Variants in ABCA13 observed in about 807,000 individuals in gnomAD.
ABCA13 encodes ATP binding cassette subfamily A member 13.
A neutral mutation model predicts 478.7 loss-of-function variants in ABCA13; 476 were observed. The observed-to-expected ratio is 0.99, with a 90% CI of 0.92 to 1.07. ABCA13 has a LOEUF of 1.07. Among genes scored for constraint, ABCA13 ranks in the 50% least tolerant of loss-of-function variants. ABCA13 has a pLI of 0.00. For synonymous variants in ABCA13, 2,252 were observed against 2,158.9 expected, an observed-to-expected ratio of 1.04 and a Z score of -1.20; for missense variants, 6,060 against 5,910.6, an observed-to-expected ratio of 1.03 and a Z score of -0.83.
At chr7:48,628,166 C>A (rs965241410) in intron 59 of ABCA13, among the ~76,000 whole-genome samples, 1 of 152,158 alleles carries the variant, frequency 6.6e-6, no homozygotes, top group Admixed American at 6.5e-5. Context: ...CTACTGTCCC[C>A]TCTTCAGAGA....
intron 57 of ABCA13, among the ~76,000 whole-genome samples, chr7:48,590,652 C>T (rs925805797): frequency 1.3e-5 from 2 of 152,020 alleles, no homozygotes; most frequent in Non-Finnish European, 2.9e-5. Flanking sequence ...TGCTGGTTAT[C>T]TTCTGTCCTT....
intron 55 of ABCA13, among the ~76,000 whole-genome samples, chr7:48,531,105 A>T (rs912579243): frequency 1.3e-5 from 2 of 152,096 alleles, no homozygotes; most frequent in Admixed American, 6.5e-5. Context: ...TATCTTCTAG[A>T]ATCATTATGG....
chr7:48,280,717 A>G (rs1375107578), intron 18 of ABCA13, among the ~76,000 whole-genome samples: 1 of 152,116 alleles, frequency 6.6e-6, no homozygotes, highest in Non-Finnish European at 1.5e-5. Flanking sequence ...TGTTGGTTCT[A>G]TTACTCCAGA....
chr7:48,378,769 C>G (rs1206412427), intron 35 of ABCA13, among the ~76,000 whole-genome samples: 1 of 152,216 alleles, frequency 6.6e-6, no homozygotes, highest in African/African-American at 2.4e-5. Flanking sequence ...TCACAAGTCT[C>G]CCTTAAGTTC....
intron 4 of ABCA13, among the ~76,000 whole-genome samples, chr7:48,219,815 C>T (rs1438255914): frequency 6.6e-6 from 1 of 151,872 alleles, no homozygotes; most frequent in African/African-American, 2.4e-5. Context: ...CCTTTACACT[C>T]TTCGGCTGTT....
At chr7:48,327,582 A>G (rs1804534511) in intron 27 of ABCA13, among the ~76,000 whole-genome samples, 1 of 152,226 alleles carries the variant, frequency 6.6e-6, no homozygotes, top group South Asian at 2.1e-4. Context: ...TAGATTAAAA[A>G]AGTAGTAAGA....
At position 48,256,861 on chromosome 7, in the gene ABCA13, C is replaced by T. The variant is rs369913579; in HGVS notation, c.2005+7510C>T. ...TTTCAAATTCTGTAAAGAATGTCAT[C>T]GGTAGTTTGTTAAGAATAACATTGA... On this transcript the variant is annotated intron_variant, in intron 15 of 61. Transcript: ENST00000435803. Among the ~76,000 whole-genome samples the T allele has an allele frequency of 8.0e-4, 122 of 152,094 alleles. 1 individual carries two copies. The highest frequency in any genetic ancestry group is 1.4e-3 in the Non-Finnish European group (96 of 67,960).
At chr7:48,537,063 T>C (rs926166837) in intron 55 of ABCA13, among the ~76,000 whole-genome samples, 1 of 152,100 alleles carries the variant, frequency 6.6e-6, no homozygotes, top group Non-Finnish European at 1.5e-5. Context: ...GTGTTTTATT[T>C]CTATAAGTTA....
intron 30 of ABCA13, among the ~76,000 whole-genome samples, chr7:48,351,415 T>C (rs1808970852): frequency 6.6e-6 from 1 of 152,222 alleles, no homozygotes; most frequent in Non-Finnish European, 1.5e-5. Context: ...TGTCTTAGAG[T>C]GCTGGAAGCT....
At chr7:48,530,417 A>G (rs1469855820) in intron 55 of ABCA13, among the ~76,000 whole-genome samples, 1 of 152,052 alleles carries the variant, frequency 6.6e-6, no homozygotes. Flanking sequence ...GCTGGTTTCA[A>G]ATTTTTGCAA....
chr7:48,314,940 C>T (rs994381457), intron 26 of ABCA13, among the ~76,000 whole-genome samples: 2 of 152,070 alleles, frequency 1.3e-5, no homozygotes, highest in African/African-American at 2.4e-5. Context: ...ATGATAGGTA[C>T]AAATGAATGC....
In ABCA13 at chr7:48,603,728, A is replaced by T. The variant is rs529317223; in HGVS notation, c.14744+8915A>T. The T allele has an allele frequency of 2.8e-3, 508 of 178,972 alleles. 2 individuals are homozygous for T. The highest frequency in any genetic ancestry group is 5.3e-3 in the Non-Finnish European group (453 of 86,008). 11.1% of individuals were successfully genotyped at this position (178,972 alleles called of 1,614,324 possible). Reference sequence around the variant, plus strand: ...TTTTCTGCCAGGTTTTGGTATCAGGATGATGCTGGCCTCATAAAATGAGTT... The same window carrying T: ...TTTTCTGCCAGGTTTTGGTATCAGGTTGATGCTGGCCTCATAAAATGAGTT... On this transcript the variant is annotated intron_variant, in intron 58 of 61. Coordinates refer to ENST00000435803, the MANE Select transcript of ABCA13 (RefSeq NM_152701.5).
chr7:48,455,077 G>C lies in ABCA13; in HGVS notation c.12606G>C (p.Gln4202His). Residue 4202 changes from glutamine (Q) to histidine (H), a missense_variant, in exon 43 of 62, where the codon CAG (glutamine) becomes CAC (histidine). By Grantham distance (24) the Gln-to-His change is conservative. Transcript: ENST00000435803. ...LARPATVQGV[Q>H]LLRAQVAAIL... ...GGCCCGCAACTGTGCAGGGCGTCCAGCTGCTCCGCGCACAAGTGGCCGCGA... is the reference window on the plus strand; with the variant it reads ...GGCCCGCAACTGTGCAGGGCGTCCACCTGCTCCGCGCACAAGTGGCCGCGA... The C allele has an allele frequency of 6.5e-7, 1 of 1,544,484 alleles. No homozygotes were observed. Among genetic ancestry groups the C allele is most frequent in the Non-Finnish European group, 8.7e-7 (1 of 1,145,998 alleles).
intron 31 of ABCA13, among the ~76,000 whole-genome samples, chr7:48,366,795 G>A (rs1811739862): frequency 6.6e-6 from 1 of 152,082 alleles, no homozygotes; most frequent in African/African-American, 2.4e-5. Context: ...CTTAAAGGCT[G>A]CATCACCTCT....
chr7:48,262,815 T>A (rs1395362470), intron 15 of ABCA13, among the ~76,000 whole-genome samples: 1 of 151,904 alleles, frequency 6.6e-6, no homozygotes, highest in Non-Finnish European at 1.5e-5. Context: ...ATGAGTGGAA[T>A]TTGACAGCTA....
At chr7:48,190,749 G>A (rs1390962877) in intron 1 of ABCA13, among the ~76,000 whole-genome samples, 2 of 152,146 alleles carry the variant, frequency 1.3e-5, no homozygotes, top group African/African-American at 4.8e-5. Flanking sequence ...AGAACTATAA[G>A]TGCTGTTATG....
chr7:48,500,010 A>C (rs187849108), intron 48 of ABCA13, among the ~76,000 whole-genome samples: 1 of 152,340 alleles, frequency 6.6e-6, no homozygotes, highest in Admixed American at 6.5e-5. Context: ...GAAATTGATC[A>C]GACTGGTATC....
At chr7:48,571,461 T>C (rs929336408) in intron 55 of ABCA13, among the ~76,000 whole-genome samples, 7 of 152,076 alleles carry the variant, frequency 4.6e-5, no homozygotes, top group East Asian at 1.9e-4. Flanking sequence ...TTATTTCTTC[T>C]TTACTGTAGA....
chr7:48,278,285 A>G lies in ABCA13; in HGVS notation c.7091A>G (p.Asp2364Gly), dbSNP rs759682541. The G allele has an allele frequency of 1.1e-5, 18 of 1,612,534 alleles. No homozygotes were observed. The Admixed American group carries it at 1.3e-4, about 12-fold the overall frequency. The stretch of plus-strand genomic sequence containing the variant: ...CATCAAGGACTGAAGTTCATGCAAG[A>G]TTTATTTAATGCCCTTCTCAGGGAA... ...DTHQGLKFMQDLFNALLRETS... is the reference protein window; with the variant it reads ...DTHQGLKFMQGLFNALLRETS... Residue 2364 changes from aspartate (D) to glycine (G), a missense_variant, in exon 18 of 62, where the codon GAT becomes GGT. Asp to Gly is a moderately conservative substitution (Grantham distance 94). Transcript: ENST00000435803.
Sources: gnomAD v4.1 joint callset for allele counts (sites outside exome capture counted in the v4.1 genomes callset) on GRCh38, gnomAD v4.1.1 for gene constraint, MANE v1.5 for transcripts, NCBI Gene and HGNC (gene_info 2026-07-23, HGNC 2026-07-21) for gene names.